Variants in PPIP5K2 observed in about 807,000 individuals in gnomAD.
The protein encoded by PPIP5K2 is inositol hexakisphosphate and diphosphoinositol-pentakisphosphate kinase 2.
In PPIP5K2, 105 loss-of-function variants were observed where a neutral mutation model predicts 154.6. The ratio of observed to expected loss-of-function variants is 0.68; its 90% CI spans 0.58 to 0.80. The LOEUF (loss-of-function observed/expected upper bound fraction) is 0.80. Among genes scored for constraint, PPIP5K2 ranks in the 30% least tolerant of loss-of-function variants. The pLI is 0.00. For missense variants in PPIP5K2, 992 were observed against 1,504.6 expected (o/e 0.66, Z 5.64); for synonymous variants, 480 against 490.3 (o/e 0.98, Z 0.28).
intron 2 of PPIP5K2, among the ~76,000 whole-genome samples, chr5:103,130,139 C>T (rs1790377291): frequency 6.6e-6 from 1 of 152,142 alleles, no homozygotes; most frequent in Non-Finnish European, 1.5e-5. Flanking sequence ...CGAAGATACT[C>T]ATATTTATTA....
Position 103,149,280 on chromosome 5 carries a change from A to G in PPIP5K2, c.873A>G (p.Lys291=), listed in dbSNP as rs782750584. 6.2e-7 allele frequency: 1 copy of G among 1,613,676 alleles called. No homozygotes were observed. The highest frequency in any genetic ancestry group is 2.2e-5 in the East Asian group (1 of 44,840). Reference sequence around the variant, plus strand: ...CTGTTATTCTCAATGCACGAGAGAAATTAATTGCTTGGAAAGTCTGCCTTG... The same window carrying G: ...CTGTTATTCTCAATGCACGAGAGAAGTTAATTGCTTGGAAAGTCTGCCTTG... ...RYPVILNARE[K]LIAWKVCLAF... The change falls in exon 8 of 31, where the codon AAA becomes AAG. Residue 291 remains lysine, a synonymous_variant. Coordinates refer to ENST00000358359, the MANE Select transcript of PPIP5K2 (RefSeq NM_001276277.3).
chr5:103,175,537 T>C (rs543790080), intron 21 of PPIP5K2, among the ~76,000 whole-genome samples: 4 of 152,252 alleles, frequency 2.6e-5, no homozygotes, highest in Admixed American at 2.6e-4. Context: ...ATATAGGAAC[T>C]GATAGAAAGC....
intron 5 of PPIP5K2, among the ~76,000 whole-genome samples, chr5:103,144,646 A>C (rs1254178848): frequency 6.6e-6 from 1 of 152,210 alleles, no homozygotes; most frequent in Non-Finnish European, 1.5e-5. Flanking sequence ...TTTTCGACAA[A>C]GTTGACCAGA....
In PPIP5K2 at chr5:103,210,031, A is replaced by G. The variant is rs1428591767; in HGVS notation, c.*8397A>G. On this transcript the variant is annotated 3_prime_UTR_variant, in exon 31 of 31. Transcript: ENST00000358359. Reference sequence around the variant, plus strand: ...CACAATTTTATATAACTGATTCTTCACTGGTCATCCAGAAGCCTTTTTGAA... The same window carrying G: ...CACAATTTTATATAACTGATTCTTCGCTGGTCATCCAGAAGCCTTTTTGAA... 1 of 152,162 alleles carries G rather than the reference A, an allele frequency of 6.6e-6. No homozygotes were observed. The highest frequency in any genetic ancestry group is 6.5e-5 in the Admixed American group (1 of 15,270). The allele number at this position is 152,162 out of a possible 1,614,324, so 9.4% of individuals were successfully genotyped here. A position where few individuals can be genotyped will look rare whatever the true frequency, so the allele number is the denominator to read the frequency against.
chr5:103,140,141 G>GA (rs1386859412), intron 5 of PPIP5K2, among the ~76,000 whole-genome samples: 19 of 73,998 alleles, frequency 2.6e-4, no homozygotes, highest in Non-Finnish European at 3.4e-4. Context: ...AAGGGGAAGG[G>GA]AAAATGTTAA....
Position 103,180,121 on chromosome 5 carries a change from T to C in PPIP5K2, c.2855T>C (p.Val952Ala), listed in dbSNP as rs782324139. 3.7e-6 allele frequency: 6 copies of C among 1,605,360 alleles called. No homozygotes were observed. The East Asian group carries it at 1.1e-4, about 30-fold the overall frequency. The change falls in exon 24 of 31, where the codon GTA becomes GCA. Residue 952 changes from valine to alanine, a missense_variant. This residue lies in a region of PPIP5K2 where 204 missense variants were observed against 224.0 expected (regional missense o/e 0.91). Coordinates refer to ENST00000358359, the MANE Select transcript of PPIP5K2 (RefSeq NM_001276277.3). Reference sequence around the variant, plus strand: ...GCTGTGATATTGTTTAAACCAATGGTATCAGAGCCAATTCATATACACAGG... The same window carrying C: ...GCTGTGATATTGTTTAAACCAATGGCATCAGAGCCAATTCATATACACAGG... ...DRAVILFKPM[V>A]SEPIHIHRKS...
intron 1 of PPIP5K2, among the ~76,000 whole-genome samples, chr5:103,125,396 C>A (rs1789480702): frequency 1.3e-5 from 2 of 151,420 alleles, no homozygotes; most frequent in Non-Finnish European, 2.9e-5. Flanking sequence ...TGGAGTCAGT[C>A]AGGTTTTAAA....
chr5:103,159,102 TATTA>T lies in PPIP5K2; in HGVS notation c.1738-40_1738-37del, dbSNP rs527545932. 1.3e-4 allele frequency: 175 copies of T among 1,311,594 alleles called. No homozygotes were observed. In the African/African-American group the frequency reaches 1.4e-3, roughly 11 times the overall value. The allele number at this position is 1,311,594 out of a possible 1,614,324, so 81.2% of individuals were successfully genotyped here. A position where few individuals can be genotyped will look rare whatever the true frequency, so the allele number is the denominator to read the frequency against. On this transcript the variant is annotated intron_variant, in intron 16 of 30. Coordinates refer to ENST00000358359, the MANE Select transcript of PPIP5K2 (RefSeq NM_001276277.3). ...GTATGTAACAAAATATTATTTTACG[TATTA>T]ATTTTTTAAATTCGTGTTTTCTTTA...
chr5:103,143,249 G>A (rs1428706446), intron 5 of PPIP5K2, among the ~76,000 whole-genome samples: 1 of 152,226 alleles, frequency 6.6e-6, no homozygotes, highest in Non-Finnish European at 1.5e-5. Flanking sequence ...CCATGTTAGA[G>A]TGAAGTGGCG....
intron 2 of PPIP5K2, among the ~76,000 whole-genome samples, chr5:103,133,085 TATCTTTCTAC>T (rs1454948336): frequency 1.3e-5 from 2 of 152,252 alleles, no homozygotes; most frequent in Non-Finnish European, 2.9e-5. Flanking sequence ...GAGAATTCTT[TATCTTTCTAC>T]ATAGAGTGGA....
In PPIP5K2 at chr5:103,124,051, C is replaced by T. The variant is rs1054508024; in HGVS notation, c.-285+3563C>T. Among the ~76,000 whole-genome samples, 7 of 151,994 alleles carry T rather than the reference C, an allele frequency of 4.6e-5. No individual in the cohort carries two copies. The South Asian group carries it at 1.0e-3, about 23-fold the overall frequency. On this transcript the variant is annotated intron_variant, in intron 1 of 30. Transcript: ENST00000358359. ...ATCCCAGCACTTTGGGAGGCCGAGG[C>T]GGGAGGATCACGAGGTCAGGAGATT...
At chr5:103,129,853 A>G in intron 2 of PPIP5K2, 150 bp downstream of exon 2, 1 of 1,147,316 alleles carries the variant, frequency 8.7e-7, no homozygotes, top group Non-Finnish European at 1.1e-6. Context: ...ATGATGAATC[A>G]ATAAATACAG....
intron 24 of PPIP5K2, among the ~76,000 whole-genome samples, chr5:103,181,403 A>G (rs1799529170): frequency 6.6e-6 from 1 of 151,928 alleles, no homozygotes; most frequent in Non-Finnish European, 1.5e-5. Context: ...CCCCGTCTCT[A>G]CTAAAAATAT....
chr5:103,200,893 C>A (rs1554230087), intron 30 of PPIP5K2, among the ~76,000 whole-genome samples: 1 of 152,068 alleles, frequency 6.6e-6, no homozygotes, highest in African/African-American at 2.4e-5. Context: ...CCACGTTGGC[C>A]CTCCAAAGTG....
Position 103,212,040 on chromosome 5 carries a change from G to C in PPIP5K2, c.*10406G>C, listed in dbSNP as rs943185915. On this transcript the variant is annotated 3_prime_UTR_variant, in exon 31 of 31. Transcript: ENST00000358359. ...AACCTTTGGTTTTGGTTTTGGTTTT[G>C]GTTTTGTTTTTTTGGTCAACATGAA... 1 of 152,060 alleles carries C rather than the reference G, an allele frequency of 6.6e-6. No homozygotes were observed. The highest frequency in any genetic ancestry group is 6.6e-5 in the Admixed American group (1 of 15,260). The allele number at this position is 152,060 out of a possible 1,614,324, so 9.4% of individuals were successfully genotyped here. A position where few individuals can be genotyped will look rare whatever the true frequency, so the allele number is the denominator to read the frequency against.
At chr5:103,138,628 G>T (rs1554205310) in intron 5 of PPIP5K2, among the ~76,000 whole-genome samples, 159 bp downstream of exon 5, 1 of 152,150 alleles carries the variant, frequency 6.6e-6, no homozygotes, top group East Asian at 1.9e-4. Flanking sequence ...ATTAAAAGGT[G>T]ACACTGAGTT....
At chr5:103,154,533 G>C in intron 11 of PPIP5K2, 137 bp from the exon 12 acceptor site, 2 of 564,104 alleles carry the variant, frequency 3.5e-6, no homozygotes, top group Non-Finnish European at 6.1e-6. Flanking sequence ...TACAGTGAAA[G>C]AGGAAACACA....
chr5:103,177,612 G>T, intron 21 of PPIP5K2, 55 bp from the exon 22 acceptor site: 1 of 1,205,634 alleles, frequency 8.3e-7, no homozygotes, highest in South Asian at 1.4e-5. Flanking sequence ...ACAATAAAGT[G>T]ACTTTCAAGT....
chr5:103,167,338 A>G lies in PPIP5K2; in HGVS notation c.2062+18A>G. 7 of 1,534,628 alleles carry G rather than the reference A, an allele frequency of 4.6e-6. No individual in the cohort carries two copies. Among genetic ancestry groups the G allele is most frequent in the African/African-American group, 1.4e-5 (1 of 71,676 alleles). On this transcript the variant is annotated intron_variant, in intron 18 of 30. Coordinates refer to ENST00000358359, the MANE Select transcript of PPIP5K2 (RefSeq NM_001276277.3). ...ATCATCAGGTAAATATGTTTTTCTT[A>G]GAGCATAGAACAAATAAAAGTTACT...
Sources: allele counts gnomAD v4.1 joint callset (sites outside exome capture counted in the v4.1 genomes callset), GRCh38; gene constraint gnomAD v4.1.1; regional missense constraint gnomAD v4.1.1; transcripts MANE v1.5; gene names NCBI Gene and HGNC (gene_info 2026-07-23, HGNC 2026-07-21).